WDR72: variants seen among roughly 807,000 people sequenced by gnomAD.
WDR72 encodes WD repeat domain 72.
Under a neutral mutation model 124.2 loss-of-function variants are expected in WDR72, and 120 were observed. The ratio of observed to expected loss-of-function variants is 0.97; its 90% CI spans 0.83 to 1.12. WDR72 has a LOEUF of 1.12. WDR72 is among the 50% of genes most tolerant of loss of function. The probability of loss-of-function intolerance (pLI) is 0.00; values close to 1 mark genes in which losing one functional copy is unlikely to be tolerated. For missense variants in WDR72, 1,387 were observed against 1,278.8 expected (o/e 1.08, Z -1.29); for synonymous variants, 452 against 441.7 (o/e 1.02, Z -0.29).
At chr15:53,588,179 A>G in intron 18 of WDR72, among the ~76,000 whole-genome samples, 1 of 152,058 alleles carries the variant, frequency 6.6e-6, no homozygotes. Flanking sequence ...GTTCTTTGAT[A>G]GATGTCTGTC....
chr15:53,653,662 G>T (rs921312038), intron 14 of WDR72, among the ~76,000 whole-genome samples: 1 of 152,126 alleles, frequency 6.6e-6, no homozygotes, highest in South Asian at 2.1e-4. Flanking sequence ...ATAATGGAAT[G>T]CTCATTCTTA....
intron 2 of WDR72, among the ~76,000 whole-genome samples, chr15:53,732,162 G>T (rs572706686): frequency 3.4e-4 from 52 of 152,224 alleles, no homozygotes; most frequent in Admixed American, 9.2e-4. Context: ...TGCAGTTCTT[G>T]GCAGTCCTGT....
intron 18 of WDR72, among the ~76,000 whole-genome samples, chr15:53,576,082 C>T (rs901317842): frequency 6.6e-6 from 1 of 152,080 alleles, no homozygotes; most frequent in African/African-American, 2.4e-5. Flanking sequence ...CTGGCCCCAC[C>T]CCAACTTTAA....
At chr15:53,615,356 T>C (rs999833183) in intron 15 of WDR72, 70 bp downstream of exon 15, 5 of 1,266,650 alleles carry the variant, frequency 3.9e-6, no homozygotes, top group East Asian at 2.5e-5. Flanking sequence ...AAGAGCTAAA[T>C]ATAGCAAATA....
rs190345672 is a variant in WDR72 at position 53,709,179 on chromosome 15, T to C, written c.954+1678A>G. Among the ~76,000 whole-genome samples the C allele has an allele frequency of 2.0e-5, 3 of 152,334 alleles. No homozygotes were observed. The East Asian group carries it at 5.8e-4, about 29-fold the overall frequency. On this transcript the variant is annotated intron_variant, in intron 9 of 19. Transcript: ENST00000360509. The stretch of plus-strand genomic sequence containing the variant: ...TAACTGCAAGAGAGACTAAGGACTC[T>C]TACATTTAGTGAACACTAGTGATGT...
chr15:53,566,432 C>T (rs113187145), intron 18 of WDR72, among the ~76,000 whole-genome samples: 4 of 151,920 alleles, frequency 2.6e-5, no homozygotes, highest in Non-Finnish European at 4.4e-5. Flanking sequence ...CAGCATTATC[C>T]GTCGAGACTG....
At chr15:53,749,169 T>A (rs2018714395) in intron 1 of WDR72, among the ~76,000 whole-genome samples, 1 of 152,154 alleles carries the variant, frequency 6.6e-6, no homozygotes, top group Admixed American at 6.5e-5. Context: ...CTCAGATAAT[T>A]GTGTTTTTTT....
chr15:53,708,450 C>T (rs920707919), intron 9 of WDR72, among the ~76,000 whole-genome samples: 1 of 152,166 alleles, frequency 6.6e-6, no homozygotes, highest in Non-Finnish European at 1.5e-5. Context: ...TGGTCCCTGA[C>T]ATTTAGTCCC....
chr15:53,543,226 T>C (rs1893248134), intron 18 of WDR72, among the ~76,000 whole-genome samples: 1 of 147,804 alleles, frequency 6.8e-6, no homozygotes, highest in African/African-American at 2.5e-5. Flanking sequence ...TATTCCAAAA[T>C]TGACCACATA....
intron 18 of WDR72, among the ~76,000 whole-genome samples, chr15:53,565,362 A>G (rs868750969): frequency 7.9e-5 from 12 of 152,026 alleles, no homozygotes; most frequent in Non-Finnish European, 1.3e-4. Context: ...AGAATAAACA[A>G]TGAAAAGTTT....
At position 53,705,896 on chromosome 15, in the gene WDR72, G is replaced by A. The variant is rs530645437; in HGVS notation, c.1102+31C>T. On this transcript the variant is annotated intron_variant, in intron 10 of 19. Coordinates refer to ENST00000360509, the MANE Select transcript of WDR72 (RefSeq NM_182758.4). ...ATTAATTACAAATTCATTCTCAGAA[G>A]ACATGTTACTAGAAAAGGAAACTGA... 6.8e-6 allele frequency: 11 copies of A among 1,613,126 alleles called. No individual in the cohort carries two copies. The African/African-American group carries it at 1.5e-4, about 22-fold the overall frequency.
rs1203723060 is a variant in WDR72, at chr15:53,711,632, G to A, written c.712-151C>T. On this transcript the variant is annotated intron_variant, in intron 7 of 19. Transcript: ENST00000360509. Reference sequence around the variant, plus strand: ...TCATATTAAGATGATATTTTACCATGACTTATTGACTTATATTTATCTTAG... The same window carrying A: ...TCATATTAAGATGATATTTTACCATAACTTATTGACTTATATTTATCTTAG... 3 of 868,102 alleles carry A rather than the reference G, an allele frequency of 3.5e-6. No homozygotes were observed. The African/African-American group carries it at 5.0e-5, about 15-fold the overall frequency. The allele number at this position is 868,102 out of a possible 1,614,324, so 53.8% of individuals were successfully genotyped here. A position where few individuals can be genotyped will look rare whatever the true frequency, so the allele number is the denominator to read the frequency against.
intron 6 of WDR72, among the ~76,000 whole-genome samples, chr15:53,714,224 T>A (rs970004974): frequency 4.0e-5 from 6 of 151,216 alleles, no homozygotes; most frequent in African/African-American, 1.5e-4. Context: ...CATTTGTATA[T>A]ACATGGAGAA....
chr15:53,526,205 T>C (rs1892105357), intron 18 of WDR72, among the ~76,000 whole-genome samples: 1 of 151,992 alleles, frequency 6.6e-6, no homozygotes, highest in Admixed American at 6.6e-5. Context: ...AATTGAAGTG[T>C]GATGAAAAGT....
At chr15:53,537,001 G>T (rs1447592213) in intron 18 of WDR72, among the ~76,000 whole-genome samples, 1 of 152,138 alleles carries the variant, frequency 6.6e-6, no homozygotes, top group East Asian at 1.9e-4. Flanking sequence ...AGGAAGAATT[G>T]TACTGAGCAC....
At chr15:53,690,299 A>G (rs1273915120) in intron 13 of WDR72, among the ~76,000 whole-genome samples, 2 of 152,218 alleles carry the variant, frequency 1.3e-5, no homozygotes, top group Non-Finnish European at 2.9e-5. Context: ...ACATTGACAT[A>G]ATATACATTA....
chr15:53,696,244 GT>G (rs1437969115), intron 13 of WDR72, among the ~76,000 whole-genome samples: 1 of 152,204 alleles, frequency 6.6e-6, no homozygotes, highest in Non-Finnish European at 1.5e-5. Context: ...TGTGAACCCT[GT>G]GGAGAGAATA....
intron 13 of WDR72, 89 bp downstream of exon 13, chr15:53,699,661 C>T (rs2140518775): frequency 7.1e-7 from 1 of 1,410,626 alleles, no homozygotes; most frequent in East Asian, 2.3e-5. Context: ...GTGAGGTCAT[C>T]ACCGTGTCTT....
chr15:53,730,681 C>T (rs561234), intron 2 of WDR72, among the ~76,000 whole-genome samples: 10,951 of 152,158 alleles, frequency 0.072, 1,046 homozygotes, highest in African/African-American at 0.22. Context: ...TGCTGCCCTA[C>T]GGTGACTCAG....
Sources: gnomAD v4.1 joint callset for allele counts (sites outside exome capture counted in the v4.1 genomes callset) on GRCh38, gnomAD v4.1.1 for gene constraint, MANE v1.5 for transcripts, NCBI Gene and HGNC (gene_info 2026-07-23, HGNC 2026-07-21) for gene names.